RUFY2: variants seen among roughly 807,000 people sequenced by gnomAD.
The protein encoded by RUFY2 is RUN and FYVE domain-containing protein 2.
Under a neutral mutation model 94.4 loss-of-function variants are expected in RUFY2, and 49 were observed. The observed-to-expected ratio is 0.52, with a 90% CI of 0.41 to 0.66. The LOEUF (loss-of-function observed/expected upper bound fraction) is 0.66, where lower values mean the gene tolerates loss of function less well. Among genes scored for constraint, RUFY2 ranks in the 30% least tolerant of loss-of-function variants. RUFY2 has a pLI of 0.00. For synonymous variants in RUFY2, 255 were observed against 235.7 expected (o/e 1.08, Z -0.75); for missense variants, 541 against 692.8 (o/e 0.78, Z 2.46).
chr10:68,375,653 G>A (rs959364780), intron 13 of RUFY2, among the ~76,000 whole-genome samples: 2 of 151,864 alleles, frequency 1.3e-5, no homozygotes, highest in African/African-American at 4.8e-5. Context: ...GCGAGTGCCT[G>A]TAGTCCCAGC....
At chr10:68,364,817 C>T (rs530231036) in intron 13 of RUFY2, among the ~76,000 whole-genome samples, 1 of 151,788 alleles carries the variant, frequency 6.6e-6, no homozygotes, top group South Asian at 2.1e-4. Context: ...ACCTCAGCCT[C>T]TCAGCATCTG....
At chr10:68,354,402 C>T (rs1484436158) in intron 16 of RUFY2, among the ~76,000 whole-genome samples, 2 of 152,098 alleles carry the variant, frequency 1.3e-5, no homozygotes, top group Non-Finnish European at 2.9e-5. Flanking sequence ...TCTTGAACTC[C>T]TGGCCTCAAG....
chr10:68,376,545 C>T (rs2048693054), intron 13 of RUFY2, among the ~76,000 whole-genome samples: 1 of 129,962 alleles, frequency 7.7e-6, no homozygotes, highest in Admixed American at 8.9e-5. Flanking sequence ...GTTACAAAAG[C>T]CTATACTCAG....
At chr10:68,352,289 A>G (rs1225351169) in intron 16 of RUFY2, among the ~76,000 whole-genome samples, 4 of 152,108 alleles carry the variant, frequency 2.6e-5, no homozygotes, top group Admixed American at 6.6e-5. Flanking sequence ...TACAACCTCT[A>G]TCTTCATTCA....
rs1209387836 is a variant in RUFY2 at position 68,396,744 on chromosome 10, T to TA, written c.398+35dup. 2.2e-6 allele frequency: 3 copies of TA among 1,371,334 alleles called. No homozygotes were observed. The South Asian group carries it at 3.6e-5, about 16-fold the overall frequency. The allele number at this position is 1,371,334 out of a possible 1,614,324, so 84.9% of individuals were successfully genotyped here. A position where few individuals can be genotyped will look rare whatever the true frequency, so the allele number is the denominator to read the frequency against. On this transcript the variant is annotated intron_variant, in intron 4 of 17. Coordinates refer to ENST00000602465, the MANE Select transcript of RUFY2 (RefSeq NM_001330103.2). ...TTTGGAAGACAGCATATAAATAAAA[T>TA]AAAAAATGAAAAGATCACGACTTAA...
chr10:68,376,468 A>ATGTG (rs1249734452), intron 13 of RUFY2, among the ~76,000 whole-genome samples: 14 of 36,606 alleles, frequency 3.8e-4, no homozygotes, highest in African/African-American at 1.3e-3. Flanking sequence ...ATATATATAT[A>ATGTG]TATATATATA....
At position 68,401,740 on chromosome 10, in the gene RUFY2, G is replaced by GA. The variant is rs34770178; in HGVS notation, c.179-4dup. 5 of 1,556,886 alleles carry GA rather than the reference G, an allele frequency of 3.2e-6. No individual in the cohort carries two copies. Among genetic ancestry groups the GA allele is most frequent in the Non-Finnish European group, 4.4e-6 (5 of 1,128,934 alleles). On this transcript the variant is annotated splice_region_variant and splice_polypyrimidine_tract_variant and intron_variant, in intron 2 of 17. Coordinates refer to ENST00000602465, the MANE Select transcript of RUFY2 (RefSeq NM_001330103.2). Reference sequence around the variant, plus strand: ...GTAACTCAAAAATGATTTTCTTACTGAAAAAAAGAACACATAATGCACACA... The same window carrying GA: ...GTAACTCAAAAATGATTTTCTTACTGAAAAAAAAGAACACATAATGCACACA...
chr10:68,360,803 A>G (rs1408205504), intron 15 of RUFY2, among the ~76,000 whole-genome samples: 2 of 151,910 alleles, frequency 1.3e-5, no homozygotes, highest in Non-Finnish European at 2.9e-5. Context: ...ATAAGAGCAA[A>G]TATTTCAATT....
chr10:68,367,957 T>C (rs2132549894), intron 13 of RUFY2, among the ~76,000 whole-genome samples: 1 of 151,244 alleles, frequency 6.6e-6, no homozygotes, highest in South Asian at 2.1e-4. Context: ...GTAGAAATAA[T>C]GTGGGTTGTC....
At chr10:68,385,051 C>T (rs986685168) in intron 8 of RUFY2, among the ~76,000 whole-genome samples, 6 of 152,132 alleles carry the variant, frequency 3.9e-5, no homozygotes, top group African/African-American at 1.4e-4. Context: ...ATCACGAGGT[C>T]AGGAGTTTGA....
In RUFY2 at chr10:68,344,377, C is replaced by T. The variant is rs2046157692; in HGVS notation, c.*1391G>A. On this transcript the variant is annotated 3_prime_UTR_variant, in exon 18 of 18. Transcript: ENST00000602465. The stretch of plus-strand genomic sequence containing the variant: ...AAATTTTCTATGTATTTTTTATAGG[C>T]TCACAAACTTAAAGTGCATGGTTAA... The T allele has an allele frequency of 6.6e-6, 1 of 152,086 alleles. No individual in the cohort carries two copies. The highest frequency in any genetic ancestry group is 1.5e-5 in the Non-Finnish European group (1 of 68,020). The allele number at this position is 152,086 out of a possible 1,614,324, so 9.4% of individuals were successfully genotyped here.
intron 11 of RUFY2, 108 bp from the exon 12 acceptor site, chr10:68,379,629 T>C (rs949078134): frequency 5.6e-6 from 4 of 711,912 alleles, no homozygotes; most frequent in South Asian, 2.0e-5. Context: ...GCAGCCCAGG[T>C]TGGATTTGAA....
chr10:68,405,809 A>C (rs2051249496), intron 1 of RUFY2: 1 of 618,866 alleles, frequency 1.6e-6, no homozygotes, highest in African/African-American at 2.0e-5. Flanking sequence ...GTTTTACATT[A>C]ATGTTCCTCA....
chr10:68,372,402 C>CA (rs961551352), intron 13 of RUFY2, among the ~76,000 whole-genome samples: 2 of 151,434 alleles, frequency 1.3e-5, no homozygotes, highest in African/African-American at 4.9e-5. Flanking sequence ...GTCCCTATCT[C>CA]AAAAAAATAA....
intron 15 of RUFY2, among the ~76,000 whole-genome samples, chr10:68,362,213 G>A (rs1235901155): frequency 1.3e-5 from 2 of 152,096 alleles, no homozygotes; most frequent in African/African-American, 4.8e-5. Context: ...TGTGGTCCCA[G>A]CTACTCCGGA....
rs11387992 is a variant in RUFY2 at position 68,348,522 on chromosome 10, GA to G, written c.1600-2439del. On this transcript the variant is annotated intron_variant, in intron 16 of 17. Transcript: ENST00000602465. Reference sequence around the variant, plus strand: ...ACAGAGGAAACTCTGTCTCTGAGGGGAAAAAAAAAAAAAGGCAGCAGCAGGA... The same window carrying G: ...ACAGAGGAAACTCTGTCTCTGAGGGGAAAAAAAAAAAAGGCAGCAGCAGGA... Among the ~76,000 whole-genome samples, 345 of 138,542 alleles carry G rather than the reference GA, an allele frequency of 2.5e-3. 1 individual carries two copies. The highest frequency in any genetic ancestry group is 0.011 in the South Asian group (50 of 4,376). 90.9% of individuals were successfully genotyped at this position (138,542 alleles called of 152,430 possible). A position where few individuals can be genotyped will look rare whatever the true frequency, so the allele number is the denominator to read the frequency against.
intron 16 of RUFY2, among the ~76,000 whole-genome samples, chr10:68,347,433 G>A (rs957437810): frequency 4.0e-5 from 6 of 151,790 alleles, no homozygotes; most frequent in Non-Finnish European, 5.9e-5. Flanking sequence ...ACAGGCACAC[G>A]CCACCATGCC....
chr10:68,405,591 C>G, intron 1 of RUFY2: 1 of 744,126 alleles, frequency 1.3e-6, no homozygotes, highest in Non-Finnish European at 1.6e-6. Context: ...TCAGAATAAA[C>G]TGGCAATAAA....
intron 13 of RUFY2, among the ~76,000 whole-genome samples, chr10:68,370,448 C>CTTTTTT (rs949829713): frequency 7.1e-5 from 9 of 126,170 alleles, no homozygotes; most frequent in South Asian, 2.6e-4. Context: ...TTTCTTTTTT[C>CTTTTTT]TTTTTTTTTT....
Sources: allele counts gnomAD v4.1 joint callset (sites outside exome capture counted in the v4.1 genomes callset), GRCh38; gene constraint gnomAD v4.1.1; transcripts MANE v1.5; gene names NCBI Gene and HGNC (gene_info 2026-07-23, HGNC 2026-07-21).